CES5A: variants seen among roughly 807,000 people sequenced by gnomAD.
CES5A encodes the protein carboxylesterase 5.
Under a neutral mutation model 62.9 loss-of-function variants are expected in CES5A, and 67 were observed. That is an observed-to-expected ratio of 1.07 (90% CI 0.88 to 1.31). The LOEUF (loss-of-function observed/expected upper bound fraction) is 1.31, where lower values mean the gene tolerates loss of function less well. Among genes scored for constraint, CES5A ranks in the 50% most tolerant of loss-of-function variants. The pLI is 0.00. For synonymous variants in CES5A, 296 were observed against 280.8 expected (o/e 1.05, Z -0.54); for missense variants, 748 against 708.5 (o/e 1.06, Z -0.63).
chr16:55,859,447 C>T (rs573271102), intron 8 of CES5A, 100 bp downstream of exon 8: 3 of 1,242,954 alleles, frequency 2.4e-6, no homozygotes, highest in East Asian at 2.3e-5. Flanking sequence ...GGCTCCAGCA[C>T]TTACAATACC....
At chr16:55,909,570 GCACACACACA>G (rs34468527) in intron 1 of CES5A, among the ~76,000 whole-genome samples, 1 of 150,156 alleles carries the variant, frequency 6.7e-6, no homozygotes, top group Non-Finnish European at 1.5e-5. Context: ...GTGCGCACGT[GCACACACACA>G]CACACACACA....
intron 1 of CES5A, among the ~76,000 whole-genome samples, chr16:55,902,633 G>A (rs533106008): frequency 6.6e-5 from 10 of 152,116 alleles, no homozygotes; most frequent in South Asian, 2.1e-4. Flanking sequence ...AGTTATTCAC[G>A]GCATCATTTG....
intron 11 of CES5A, among the ~76,000 whole-genome samples, chr16:55,848,904 T>C (rs2142380693): frequency 6.6e-6 from 1 of 152,316 alleles, no homozygotes. Context: ...CTTTATTATC[T>C]GTGTTGTGAG....
chr16:55,874,215 G>A (rs560411774), intron 1 of CES5A, among the ~76,000 whole-genome samples, 178 bp from the exon 2 acceptor site: 1 of 152,314 alleles, frequency 6.6e-6, no homozygotes, highest in Non-Finnish European at 1.5e-5. Context: ...GATTGCTGTA[G>A]AAGTCACCCC....
chr16:55,936,070 C>T (rs1267055620), intron 2 of CES5A, among the ~76,000 whole-genome samples: 1 of 152,152 alleles, frequency 6.6e-6, no homozygotes, highest in Admixed American at 6.5e-5. Flanking sequence ...CTTTCTTCCT[C>T]CTGACTTCAG....
chr16:55,953,985 T>A (rs72810556), intron 1 of CES5A, among the ~76,000 whole-genome samples: 6,279 of 152,234 alleles, frequency 0.041, 175 homozygotes, highest in Middle Eastern at 0.082. Flanking sequence ...TAGCACAAAT[T>A]CATTCTATTT....
intron 1 of CES5A, among the ~76,000 whole-genome samples, chr16:55,924,806 A>C (rs1397323943): frequency 1.3e-5 from 2 of 151,994 alleles, no homozygotes; most frequent in African/African-American, 4.8e-5. Context: ...GGAAAACTGG[A>C]TATCTACATG....
chr16:55,910,538 C>A (rs2034082829), intron 1 of CES5A, among the ~76,000 whole-genome samples: 1 of 152,252 alleles, frequency 6.6e-6, no homozygotes, highest in Admixed American at 6.5e-5. Context: ...TGCTTCTTAG[C>A]ATTAACCTCG....
At chr16:55,875,555 G>A (rs1180956400), upstream of CES5A, among the ~76,000 whole-genome samples, 1 of 152,200 alleles carries the variant, frequency 6.6e-6, no homozygotes, top group Non-Finnish European at 1.5e-5. Context: ...GAGACCCAAG[G>A]ATGAATGAGG....
rs183316898 is a variant in CES5A at position 55,885,251 on chromosome 16, G to A, written c.-255-11214C>T. Reference sequence around the variant, plus strand: ...ACCACCAGCAAAATCTAGCAATTGAGCCATCACCTTGTGCCTCGTCAATCA... The same window carrying A: ...ACCACCAGCAAAATCTAGCAATTGAACCATCACCTTGTGCCTCGTCAATCA... On this transcript the variant is annotated intron_variant, in intron 1 of 12. Coordinates refer to the CES5A transcript ENST00000518005. Among the ~76,000 whole-genome samples the A allele has an allele frequency of 7.2e-5, 11 of 152,160 alleles. No homozygotes were observed. In the East Asian group the frequency reaches 2.1e-3, roughly 29 times the overall value.
chr16:55,912,622 A>C (rs1448240074), intron 1 of CES5A, among the ~76,000 whole-genome samples: 2 of 152,066 alleles, frequency 1.3e-5, no homozygotes, highest in Non-Finnish European at 1.5e-5. Context: ...GAGGAGGAAG[A>C]GAAGGAGCAG....
rs200786405 is a variant in CES5A at position 55,861,467 on chromosome 16, G to T, written c.860C>A (p.Ala287Asp). Residue 287 changes from alanine to aspartate, a missense_variant, in exon 7 of 13, where the codon GCC (alanine) becomes GAC (aspartate). By Grantham distance (126) the Ala-to-Asp change is moderately radical. Coordinates refer to ENST00000290567, the MANE Select transcript of CES5A (RefSeq NM_001143685.2). Reference sequence around the variant, plus strand: ...TTTTGTCCTCAGGCACCTCAGCAGGGCCTCAGAGTCTGACGCATTGTTACC... The same window carrying T: ...TTTTGTCCTCAGGCACCTCAGCAGGTCCTCAGAGTCTGACGCATTGTTACC... ...FCGNNASDSE[A>D]LLRCLRTKPS... 23 of 1,613,926 alleles carry T rather than the reference G, an allele frequency of 1.4e-5. 1 individual carries two copies. The Admixed American group carries it at 2.8e-4, about 20-fold the overall frequency.
chr16:55,941,177 G>A (rs1285583027), intron 2 of CES5A, among the ~76,000 whole-genome samples: 1 of 151,832 alleles, frequency 6.6e-6, no homozygotes, highest in Admixed American at 6.6e-5. Context: ...AGAATCAAAA[G>A]GCATACAGAC....
At chr16:55,908,540 C>G (rs1597145176) in intron 1 of CES5A, among the ~76,000 whole-genome samples, 1 of 151,964 alleles carries the variant, frequency 6.6e-6, no homozygotes, top group African/African-American at 2.4e-5. Flanking sequence ...TTGTATTTTT[C>G]GTAGAGACAG....
At chr16:55,929,468 C>G (rs1358878705), upstream of CES5A, among the ~76,000 whole-genome samples, 3 of 152,194 alleles carry the variant, frequency 2.0e-5, no homozygotes, top group African/African-American at 7.2e-5. Context: ...CACCCCACCC[C>G]CATGACTCCC....
chr16:55,948,439 T>G (rs573023291), intron 2 of CES5A, among the ~76,000 whole-genome samples: 1 of 152,288 alleles, frequency 6.6e-6, no homozygotes, highest in Admixed American at 6.5e-5. Flanking sequence ...AGAAGTCGAA[T>G]ATAAATTCAT....
chr16:55,849,337 G>T (rs146072000), intron 11 of CES5A, among the ~76,000 whole-genome samples: 1 of 130,126 alleles, frequency 7.7e-6, no homozygotes, highest in South Asian at 2.6e-4. Flanking sequence ...GGAAGAAAAT[G>T]GTTCTAGTAT....
At chr16:55,902,360 C>A (rs1338934270) in intron 1 of CES5A, among the ~76,000 whole-genome samples, 1 of 152,124 alleles carries the variant, frequency 6.6e-6, no homozygotes, top group East Asian at 1.9e-4. Flanking sequence ...TTATTACAAT[C>A]CCCACAAGTT....
intron 1 of CES5A, among the ~76,000 whole-genome samples, chr16:55,903,900 A>G (rs1597142922): frequency 6.6e-6 from 1 of 152,346 alleles, no homozygotes; most frequent in South Asian, 2.1e-4. Context: ...AGGGGGGAAA[A>G]GGGAAATATT....
Sources: gnomAD v4.1 joint callset for allele counts (sites outside exome capture counted in the v4.1 genomes callset) on GRCh38, gnomAD v4.1.1 for gene constraint, MANE v1.5 for transcripts, NCBI Gene and HGNC (gene_info 2026-07-23, HGNC 2026-07-21) for gene names.